DLC1: variants seen among roughly 807,000 people sequenced by gnomAD.
DLC1 encodes the protein rho GTPase-activating protein 7.
Under a neutral mutation model 140.3 loss-of-function variants are expected in DLC1, and 54 were observed. The ratio of observed to expected loss-of-function variants is 0.38; its 90% CI spans 0.31 to 0.48. The LOEUF (loss-of-function observed/expected upper bound fraction) is 0.48. Among genes scored for constraint, DLC1 ranks in the 20% least tolerant of loss-of-function variants. The pLI is 0.96. For missense variants in DLC1, 2,536 were observed against 1,907.0 expected, an observed-to-expected ratio of 1.33 and a Z score of -6.14; for synonymous variants, 986 against 728.1, an observed-to-expected ratio of 1.35 and a Z score of -5.70.
At chr8:13,249,751 A>G (rs145524025) in intron 5 of DLC1, among the ~76,000 whole-genome samples, 8 of 152,210 alleles carry the variant, frequency 5.3e-5, no homozygotes, top group Non-Finnish European at 1.2e-4. Flanking sequence ...CACAAGAACA[A>G]CAATGAACAG....
chr8:13,334,028 T>A lies in DLC1; in HGVS notation c.1315-28726A>T, dbSNP rs149552962. Among the ~76,000 whole-genome samples the A allele has an allele frequency of 6.7e-3, 1,022 of 152,262 alleles. 11 individuals are homozygous for A. The highest frequency in any genetic ancestry group is 0.023 in the African/African-American group (948 of 41,552). ...GACATGGAAAACAAATAAGTCAATGTCATATTTAGATAACTGTTAGGAAGA... is the reference window on the plus strand; with the variant it reads ...GACATGGAAAACAAATAAGTCAATGACATATTTAGATAACTGTTAGGAAGA... On this transcript the variant is annotated intron_variant, in intron 4 of 17. Transcript: ENST00000276297.
rs1489899321 is a variant in DLC1 at position 13,144,634 on chromosome 8, G to A, written c.1349-28977C>T. Among the ~76,000 whole-genome samples the A allele has an allele frequency of 7.9e-5, 12 of 152,184 alleles. 1 individual carries two copies. The East Asian group carries it at 2.3e-3, about 29-fold the overall frequency. ...CAAAAAATTAGCCAGGCGTGGTGGT[G>A]GGTGCCTGTAGTCCCAGCTACTCGG... On this transcript the variant is annotated intron_variant, in intron 5 of 17. Transcript: ENST00000276297.
intron 5 of DLC1, among the ~76,000 whole-genome samples, chr8:13,145,884 G>A (rs1169738824): frequency 6.6e-6 from 1 of 152,166 alleles, no homozygotes; most frequent in Non-Finnish European, 1.5e-5. Context: ...AAGAGCATGG[G>A]GGTAACTTTA....
intron 5 of DLC1, among the ~76,000 whole-genome samples, chr8:13,140,405 G>A (rs1822891995): frequency 6.6e-6 from 1 of 151,810 alleles, no homozygotes; most frequent in African/African-American, 2.4e-5. Context: ...GCTAACGTTT[G>A]TATTATTTGT....
At chr8:13,170,964 T>C (rs531486438) in intron 5 of DLC1, among the ~76,000 whole-genome samples, 1 of 152,330 alleles carries the variant, frequency 6.6e-6, no homozygotes, top group African/African-American at 2.4e-5. Context: ...ACTTTGCGAC[T>C]GAGGGTCACC....
intron 1 of DLC1, among the ~76,000 whole-genome samples, chr8:13,535,784 T>C (rs1419178654): frequency 6.6e-6 from 1 of 152,170 alleles, no homozygotes; most frequent in East Asian, 1.9e-4. Context: ...AGTATATTAA[T>C]ATTTATAAAA....
At chr8:13,152,901 T>C (rs1376943885) in intron 5 of DLC1, among the ~76,000 whole-genome samples, 1 of 151,976 alleles carries the variant, frequency 6.6e-6, no homozygotes, top group Non-Finnish European at 1.5e-5. Flanking sequence ...CTTAGAGAAT[T>C]AGTTGGTTAG....
chr8:13,543,293 G>T (rs1451503192), intron 1 of DLC1, among the ~76,000 whole-genome samples: 3 of 152,112 alleles, frequency 2.0e-5, no homozygotes, highest in African/African-American at 7.2e-5. Flanking sequence ...GTAGTGCCTT[G>T]TGCTAGAATT....
intron 4 of DLC1, among the ~76,000 whole-genome samples, chr8:13,362,809 G>A (rs571095601): frequency 1.1e-4 from 16 of 151,930 alleles, no homozygotes; most frequent in South Asian, 4.2e-4. Context: ...CCTTTGCCCC[G>A]GATATTTCCT....
At chr8:13,267,874 G>C (rs1245258712) in intron 5 of DLC1, among the ~76,000 whole-genome samples, 1 of 151,828 alleles carries the variant, frequency 6.6e-6, no homozygotes, top group African/African-American at 2.4e-5. Context: ...TCACCAACCA[G>C]GATTTCACCA....
intron 5 of DLC1, among the ~76,000 whole-genome samples, chr8:13,172,116 A>G (rs1825518884): frequency 6.6e-6 from 1 of 152,236 alleles, no homozygotes. Flanking sequence ...AAAACATTTT[A>G]TAGATGTCAT....
chr8:13,576,818 T>G (rs1432917452), intron 1 of DLC1, among the ~76,000 whole-genome samples: 1 of 152,184 alleles, frequency 6.6e-6, no homozygotes, highest in Non-Finnish European at 1.5e-5. Context: ...TGTGCAAGGA[T>G]AGAGTTGTGC....
At chr8:13,378,611 G>T (rs1344317433) in intron 4 of DLC1, among the ~76,000 whole-genome samples, 1 of 152,022 alleles carries the variant, frequency 6.6e-6, no homozygotes, top group Non-Finnish European at 1.5e-5. Context: ...TCAAAACCAT[G>T]TATTTTTATC....
At chr8:13,152,077 A>G (rs911789417) in intron 5 of DLC1, among the ~76,000 whole-genome samples, 3 of 152,294 alleles carry the variant, frequency 2.0e-5, no homozygotes, top group East Asian at 1.9e-4. Flanking sequence ...CTTCCCCTCC[A>G]TGTTTACTAA....
chr8:13,478,751 T>TA (rs1800551330), intron 2 of DLC1, among the ~76,000 whole-genome samples: 1 of 152,206 alleles, frequency 6.6e-6, no homozygotes, highest in African/African-American at 2.4e-5. Flanking sequence ...TACAATTATT[T>TA]TAAAAAAATC....
intron 4 of DLC1, among the ~76,000 whole-genome samples, chr8:13,352,012 G>A (rs920490668): frequency 6.6e-6 from 1 of 152,218 alleles, no homozygotes; most frequent in East Asian, 1.9e-4. Flanking sequence ...GGGATTACAG[G>A]CATGAGCCAC....
intron 1 of DLC1, among the ~76,000 whole-genome samples, chr8:13,560,956 C>G (rs1258649300): frequency 6.6e-6 from 1 of 151,916 alleles, no homozygotes; most frequent in Non-Finnish European, 1.5e-5. Flanking sequence ...ACAAAAAGGT[C>G]ACTGAGATTA....
intron 2 of DLC1, among the ~76,000 whole-genome samples, chr8:13,484,007 G>C (rs1265894101): frequency 6.6e-6 from 1 of 152,178 alleles, no homozygotes; most frequent in Non-Finnish European, 1.5e-5. Context: ...TTGAACCTGG[G>C]AGGCAGAGGT....
Position 13,245,471 on chromosome 8 carries a change from C to T in DLC1, c.1348+59798G>A, listed in dbSNP as rs118105251. Among the ~76,000 whole-genome samples, 648 of 152,282 alleles carry T rather than the reference C, an allele frequency of 4.3e-3. 39 individuals carry two copies. The East Asian group carries it at 0.11, about 26-fold the overall frequency. On this transcript the variant is annotated intron_variant, in intron 5 of 17. Coordinates refer to ENST00000276297, the MANE Select transcript of DLC1 (RefSeq NM_182643.3). Reference sequence around the variant, plus strand: ...TTTGCAGCAATAGTAAAACAATGCACAGCCGCAGCAGAAATCTGCTCATTA... The same window carrying T: ...TTTGCAGCAATAGTAAAACAATGCATAGCCGCAGCAGAAATCTGCTCATTA...
Sources: allele counts gnomAD v4.1 joint callset (sites outside exome capture counted in the v4.1 genomes callset), GRCh38; gene constraint gnomAD v4.1.1; transcripts MANE v1.5; gene names NCBI Gene and HGNC (gene_info 2026-07-23, HGNC 2026-07-21).